The following TMEM131 variants were observed in gnomAD, a reference collection of about 807,000 sequenced individuals.
The protein encoded by TMEM131 is 2610524E03Rik.
A neutral mutation model predicts 211.6 loss-of-function variants in TMEM131; 66 were observed. The observed-to-expected ratio is 0.31, with a 90% CI of 0.26 to 0.38. TMEM131 has a LOEUF of 0.38. Ranked by LOEUF, TMEM131 falls within the 10% of genes least tolerant of loss-of-function variation. The pLI is 1.00. For synonymous variants in TMEM131, 844 were observed against 841.3 expected (o/e 1.00, Z -0.06); for missense variants, 2,036 against 2,299.3 (o/e 0.89, Z 2.34).
At chr2:97,757,470 G>A (rs2104742075) in intron 40 of TMEM131, 87 bp from the exon 41 acceptor site, 2 of 1,384,760 alleles carry the variant, frequency 1.4e-6, no homozygotes, top group East Asian at 2.3e-5. Context: ...AAAAGATGAG[G>A]CTGGGGCACG....
At chr2:97,981,119 T>C (rs1679779444) in intron 1 of TMEM131, among the ~76,000 whole-genome samples, 1 of 147,426 alleles carries the variant, frequency 6.8e-6, no homozygotes, top group Non-Finnish European at 1.5e-5. Context: ...CTTTATAACC[T>C]TGCTGCTTTC....
chr2:97,837,563 G>A (rs757225908), intron 7 of TMEM131, among the ~76,000 whole-genome samples: 54 of 152,186 alleles, frequency 3.5e-4, no homozygotes, highest in Non-Finnish European at 6.8e-4. Context: ...AGAGCCAGCA[G>A]TGGATCAAAT....
chr2:97,928,317 G>T (rs1677074266), intron 1 of TMEM131, among the ~76,000 whole-genome samples: 1 of 149,040 alleles, frequency 6.7e-6, no homozygotes, highest in African/African-American at 2.6e-5. Context: ...GTTGCTAGGA[G>T]ATCAGGGGGA....
intron 2 of TMEM131, among the ~76,000 whole-genome samples, chr2:97,918,177 C>G (rs1014057390): frequency 6.6e-6 from 1 of 151,936 alleles, no homozygotes; most frequent in Non-Finnish European, 1.5e-5. Flanking sequence ...CTCCTGACCA[C>G]AGGCGATCCA....
intron 36 of TMEM131, 97 bp from the exon 37 acceptor site, chr2:97,761,011 T>C (rs1678811853): frequency 4.0e-6 from 6 of 1,513,394 alleles, no homozygotes; most frequent in African/African-American, 1.4e-5. Context: ...AGTGGGCTTC[T>C]CTGCAGCGGG....
chr2:97,813,581 C>T (rs766433023), intron 15 of TMEM131, among the ~76,000 whole-genome samples: 2 of 152,078 alleles, frequency 1.3e-5, no homozygotes, highest in African/African-American at 2.4e-5. Flanking sequence ...TTCTTTGTCC[C>T]GATATTTCTT....
At chr2:97,929,509 G>T (rs1677130681) in intron 1 of TMEM131, among the ~76,000 whole-genome samples, 1 of 151,720 alleles carries the variant, frequency 6.6e-6, no homozygotes, top group African/African-American at 2.4e-5. Context: ...GGCTGTTCCG[G>T]TATGACAAAA....
intron 5 of TMEM131, among the ~76,000 whole-genome samples, chr2:97,854,976 A>T (rs1307482425): frequency 6.6e-6 from 1 of 152,116 alleles, no homozygotes; most frequent in Non-Finnish European, 1.5e-5. Context: ...ACCTTGTAAC[A>T]TCTTCTAAGA....
At chr2:97,862,169 T>C (rs1206532384) in intron 4 of TMEM131, among the ~76,000 whole-genome samples, 2 of 152,146 alleles carry the variant, frequency 1.3e-5, no homozygotes, top group African/African-American at 4.8e-5. Context: ...ACAGTGTTGC[T>C]GGGCTTGGGG....
intron 37 of TMEM131, 35 bp from the exon 38 acceptor site, chr2:97,760,724 A>G (rs1356529179): frequency 1.9e-6 from 3 of 1,613,914 alleles, no homozygotes; most frequent in Admixed American, 1.7e-5. Flanking sequence ...TGGAAGGCAC[A>G]TTAGGACAGA....
At chr2:97,864,826 T>G (rs1674210620) in intron 4 of TMEM131, among the ~76,000 whole-genome samples, 1 of 152,208 alleles carries the variant, frequency 6.6e-6, no homozygotes, top group African/African-American at 2.4e-5. Flanking sequence ...AACTTTATTA[T>G]TCTCCACTTT....
chr2:97,948,582 T>C (rs754785943), intron 1 of TMEM131, among the ~76,000 whole-genome samples: 6 of 152,130 alleles, frequency 3.9e-5, no homozygotes, highest in Non-Finnish European at 5.9e-5. Flanking sequence ...GTGCAGGAAG[T>C]GGAACTGTAA....
chr2:97,945,349 T>C (rs1467745293), intron 1 of TMEM131, among the ~76,000 whole-genome samples: 1 of 152,138 alleles, frequency 6.6e-6, no homozygotes, highest in African/African-American at 2.4e-5. Context: ...TTTGGGGTGA[T>C]GGAAATATTT....
chr2:97,821,700 T>C (rs568116092), intron 11 of TMEM131, among the ~76,000 whole-genome samples: 1 of 152,336 alleles, frequency 6.6e-6, no homozygotes, highest in Non-Finnish European at 1.5e-5. Context: ...CTGGACCCCT[T>C]TCACTTGCTA....
rs974852649 is a variant in TMEM131, at chr2:97,775,963, C to T, written c.4200G>A (p.Lys1400=). ...GTGGCTTTCCCTTTCCCTTCTTCTC[C>T]TTTTCCTCTTGCTTCTTAGGTGGTT... ...KVKPPKKQEE[K]EKKGKGKPQE... Residue 1400 remains lysine (K), a synonymous_variant, in exon 32 of 41, where the codon AAG becomes AAA. Coordinates refer to ENST00000186436, the MANE Select transcript of TMEM131 (RefSeq NM_015348.2). 6 of 1,613,996 alleles carry T rather than the reference C, an allele frequency of 3.7e-6. No individual in the cohort carries two copies. Among genetic ancestry groups the T allele is most frequent in the Non-Finnish European group, 5.1e-6 (6 of 1,179,882 alleles).
chr2:97,760,436 G>T, intron 38 of TMEM131, 157 bp downstream of exon 38: 1 of 711,240 alleles, frequency 1.4e-6, no homozygotes, highest in Non-Finnish European at 2.3e-6. Flanking sequence ...CTTCCACCCA[G>T]CAGACATGAT....
intron 1 of TMEM131, among the ~76,000 whole-genome samples, chr2:97,985,239 C>A (rs1321144374): frequency 6.6e-6 from 1 of 152,008 alleles, no homozygotes; most frequent in Non-Finnish European, 1.5e-5. Context: ...TAACAATGTT[C>A]TGAAGCTCTA....
chr2:97,775,822 T>C, intron 32 of TMEM131, 21 bp downstream of exon 32: 1 of 1,600,076 alleles, frequency 6.2e-7, no homozygotes. Flanking sequence ...TCGTGTTTTG[T>C]TGTGTGAGAT....
At chr2:97,776,157 C>A in intron 31 of TMEM131, 139 bp from the exon 32 acceptor site, 1 of 786,140 alleles carries the variant, frequency 1.3e-6, no homozygotes, top group South Asian at 1.9e-5. Context: ...GGGTTCACAC[C>A]ATTCTCCTGC....
Sources: allele counts gnomAD v4.1 joint callset (sites outside exome capture counted in the v4.1 genomes callset), GRCh38; gene constraint gnomAD v4.1.1; transcripts MANE v1.5; gene names NCBI Gene and HGNC (gene_info 2026-07-23, HGNC 2026-07-21).